The following SMG1 variants were observed in gnomAD, a reference collection of about 807,000 sequenced individuals.
SMG1 encodes the protein SMG1 nonsense mediated mRNA decay associated PI3K related kinase.
In SMG1, 22 loss-of-function variants were observed where a neutral mutation model predicts 419.9. The ratio of observed to expected loss-of-function variants is 0.05; its 90% CI spans 0.04 to 0.07. SMG1 has a LOEUF of 0.07. Among genes scored for constraint, SMG1 ranks in the 10% least tolerant of loss-of-function variants. The pLI is 1.00. For missense variants in SMG1, 3,185 were observed against 4,342.0 expected (o/e 0.73, Z 7.49); for synonymous variants, 1,538 against 1,553.5 (o/e 0.99, Z 0.23).
In SMG1 at chr16:18,807,596, A is replaced by AT. The variant is rs554726950; in HGVS notation, c.*1972dup. The stretch of plus-strand genomic sequence containing the variant: ...CACATTCTTTCATGGGTACTTAACG[A>AT]TTACAGATTAACGTGGCAATCAGAA... On this transcript the variant is annotated 3_prime_UTR_variant, in exon 63 of 63. Transcript: ENST00000446231. 48 of 152,306 alleles carry AT rather than the reference A, an allele frequency of 3.2e-4. 1 individual carries two copies. In the South Asian group the frequency reaches 9.9e-3, roughly 32 times the overall value. 9.4% of individuals were successfully genotyped at this position (152,306 alleles called of 1,614,324 possible).
At chr16:18,853,435 T>C in intron 31 of SMG1, 148 bp downstream of exon 31, 2 of 746,158 alleles carry the variant, frequency 2.7e-6, no homozygotes, top group East Asian at 2.9e-5. Flanking sequence ...TAAATATGTT[T>C]TAGTTATTTC....
chr16:18,831,778 T>C (rs1242025606), intron 51 of SMG1, among the ~76,000 whole-genome samples: 3 of 141,250 alleles, frequency 2.1e-5, no homozygotes, highest in African/African-American at 8.3e-5. Context: ...AAAATACATA[T>C]ATATATATAT....
intron 48 of SMG1, 103 bp downstream of exon 48, chr16:18,835,830 C>T (rs1478162175): frequency 6.5e-6 from 7 of 1,084,012 alleles, no homozygotes; most frequent in East Asian, 2.6e-5. Flanking sequence ...ACCTCAGAGA[C>T]GGAGGTTGCA....
chr16:18,888,925 G>A (rs1321530487), intron 6 of SMG1, among the ~76,000 whole-genome samples: 1 of 149,194 alleles, frequency 6.7e-6, no homozygotes, highest in Non-Finnish European at 1.5e-5. Flanking sequence ...CAGGTTCACG[G>A]CATTCTCCTG....
chr16:18,847,340 T>C (rs953713513), intron 38 of SMG1, 113 bp downstream of exon 38: 14 of 1,124,384 alleles, frequency 1.2e-5, no homozygotes, highest in Non-Finnish European at 1.8e-5. Flanking sequence ...GGTGAATGTA[T>C]TTAATGCCAC....
chr16:18,919,895 G>A (rs1441966702), intron 1 of SMG1, among the ~76,000 whole-genome samples: 1 of 150,964 alleles, frequency 6.6e-6, no homozygotes, highest in Non-Finnish European at 1.5e-5. Flanking sequence ...TCAGGAGTTC[G>A]GGACCAGCCT....
At chr16:18,920,181 C>T (rs1288268982) in intron 1 of SMG1, among the ~76,000 whole-genome samples, 14 of 149,810 alleles carry the variant, frequency 9.3e-5, no homozygotes, top group East Asian at 4.0e-4. Flanking sequence ...CAGGAGTTCA[C>T]GACCAGCCTG....
intron 10 of SMG1, 71 bp downstream of exon 10, chr16:18,882,094 T>G: frequency 9.3e-7 from 1 of 1,071,224 alleles, no homozygotes; most frequent in Non-Finnish European, 1.3e-6. Flanking sequence ...GTTCACCAGG[T>G]AAAGAGAAGC....
In SMG1 at chr16:18,894,056, CATAAATAAATAA is replaced by C. The variant is rs5816014; in HGVS notation, c.413-1714_413-1703del. 8.0e-3 allele frequency among the ~76,000 whole-genome samples: 1,157 copies of C among 144,610 alleles called. 4 individuals carry two copies. Among genetic ancestry groups the C allele is most frequent in the Middle Eastern group, 0.021 (6 of 288 alleles). 94.9% of individuals were successfully genotyped at this position (144,610 alleles called of 152,430 possible). ...TGGGTGACAGGGAGATACTCCATCT[CATAAATAAATAA>C]ATAAATAAATAAATAAATAAATAAA... On this transcript the variant is annotated intron_variant, in intron 3 of 62. Coordinates refer to ENST00000446231, the MANE Select transcript of SMG1 (RefSeq NM_015092.5).
intron 23 of SMG1, among the ~76,000 whole-genome samples, chr16:18,865,281 T>C (rs2035440394): frequency 6.6e-6 from 1 of 152,198 alleles, no homozygotes; most frequent in Non-Finnish European, 1.5e-5. Flanking sequence ...AAATGTAAAG[T>C]ACAATAACTA....
rs377147039 is a variant in SMG1 at position 18,870,632 on chromosome 16, T to A, written c.2470A>T (p.Ile824Phe). The stretch of plus-strand genomic sequence containing the variant: ...TACCTTAGGACAACATCTAAAGGAA[T>A]TGATTTCAACAGTTTTCCAAATGCT... ...RQAFGKLLKS[I>F]PLDVVLSNNN... The change falls in exon 18 of 63, where the codon ATT (isoleucine) becomes TTT (phenylalanine). Residue 824 changes from isoleucine to phenylalanine, a missense_variant. Physicochemically the swap from Ile to Phe is conservative, Grantham distance 21. Transcript: ENST00000446231. 2 of 1,602,762 alleles carry A rather than the reference T, an allele frequency of 1.2e-6. No homozygotes were observed. The highest frequency in any genetic ancestry group is 1.1e-5 in the South Asian group (1 of 89,388).
Position 18,896,811 on chromosome 16 carries a change from T to A in SMG1, c.238A>T (p.Ile80Leu). Residue 80 changes from isoleucine (I) to leucine (L), a missense_variant, in exon 2 of 63, where the codon ATA becomes TTA. By Grantham distance (5) the Ile-to-Leu change is conservative (BLOSUM62 2). This residue lies in a region of SMG1 where 42 missense variants were observed against 100.1 expected (regional missense o/e 0.42). Coordinates refer to ENST00000446231, the MANE Select transcript of SMG1 (RefSeq NM_015092.5). ...RHDDTRVHAD[I>L]QNDEKGGYSV... ...TATATACCCTTTTCGTCATTCTGTA[T>A]GTCAGCGTGGACTCTGGTATCATCG... 3 of 1,607,558 alleles carry A rather than the reference T, an allele frequency of 1.9e-6. No individual in the cohort carries two copies. The South Asian group carries it at 3.3e-5, about 18-fold the overall frequency.
intron 1 of SMG1, among the ~76,000 whole-genome samples, chr16:18,916,069 C>CAAAAA (rs35871395): frequency 4.6e-4 from 16 of 34,654 alleles, no homozygotes; most frequent in Admixed American, 1.4e-3. Flanking sequence ...CACTTCGTCT[C>CAAAAA]AAAAAAAAAA....
chr16:18,882,039 TATAC>T (rs138410515), intron 10 of SMG1, 122 bp downstream of exon 10: 411 of 568,886 alleles, frequency 7.2e-4, no homozygotes, highest in South Asian at 1.9e-3. Flanking sequence ...TATATACATA[TATAC>T]ATACATACAT....
intron 58 of SMG1, chr16:18,815,969 T>C (rs1191071521): frequency 4.4e-6 from 2 of 451,174 alleles, no homozygotes; most frequent in South Asian, 2.9e-5. Flanking sequence ...GGAGGCAAAC[T>C]GTATGGGTTT....
At chr16:18,887,516 C>CTTTGTTTGTTTTTT (rs749197007) in intron 6 of SMG1, among the ~76,000 whole-genome samples, 1 of 110,140 alleles carries the variant, frequency 9.1e-6, no homozygotes, top group African/African-American at 3.4e-5. Flanking sequence ...TTTTTTTTTC[C>CTTTGTTTGTTTTTT]TTTTTTTTTT....
In SMG1 at chr16:18,896,559, G is replaced by A. The variant is rs550162894; in HGVS notation, c.256+234C>T. Among the ~76,000 whole-genome samples the A allele has an allele frequency of 2.0e-5, 3 of 152,220 alleles. No individual in the cohort carries two copies. The East Asian group carries it at 5.8e-4, about 29-fold the overall frequency. ...TGAAAATAAAAACAAAAATAGTATT[G>A]TATCTTCCTTGTAAGAAAACTGCAT... On this transcript the variant is annotated intron_variant, in intron 2 of 62. Transcript: ENST00000446231.
At chr16:18,832,438 G>T (rs1324576195) in intron 51 of SMG1, among the ~76,000 whole-genome samples, 1 of 152,136 alleles carries the variant, frequency 6.6e-6, no homozygotes, top group African/African-American at 2.4e-5. Context: ...TGTGTACTCT[G>T]TTAGCTAAAT....
chr16:18,852,467 C>CA lies in SMG1; in HGVS notation c.4769-6dup, dbSNP rs776634668. The CA allele has an allele frequency of 6.6e-7, 1 of 1,511,010 alleles. No homozygotes were observed. Among genetic ancestry groups the CA allele is most frequent in the Admixed American group, 2.3e-5 (1 of 42,724 alleles). 93.6% of individuals were successfully genotyped at this position (1,511,010 alleles called of 1,614,324 possible). The stretch of plus-strand genomic sequence containing the variant: ...GTTCTCCAACTCCAATATGCACTGC[C>CA]AAAATGGACAAAAAAATAATTATAA... On this transcript the variant is annotated splice_polypyrimidine_tract_variant and splice_region_variant and intron_variant, in intron 31 of 62. Coordinates refer to ENST00000446231, the MANE Select transcript of SMG1 (RefSeq NM_015092.5).
Sources: allele counts gnomAD v4.1 joint callset (sites outside exome capture counted in the v4.1 genomes callset), GRCh38; gene constraint gnomAD v4.1.1; regional missense constraint gnomAD v4.1.1; transcripts MANE v1.5; gene names NCBI Gene and HGNC (gene_info 2026-07-23, HGNC 2026-07-21).